MYO1D: variants seen among roughly 807,000 people sequenced by gnomAD.
MYO1D encodes the protein myosin ID, also known as unconventional myosin-Id.
MYO1D carries 83 observed loss-of-function variants against 122.0 expected under a neutral mutation model. The ratio of observed to expected loss-of-function variants is 0.68; its 90% CI spans 0.57 to 0.82. The LOEUF (loss-of-function observed/expected upper bound fraction) is 0.82, where lower values mean the gene tolerates loss of function less well. MYO1D is among the 40% of genes least tolerant of loss of function. MYO1D has a pLI of 0.00. For synonymous variants in MYO1D, 464 were observed against 446.9 expected, an observed-to-expected ratio of 1.04 and a Z score of -0.48; for missense variants, 1,157 against 1,269.5, an observed-to-expected ratio of 0.91 and a Z score of 1.35.
intron 21 of MYO1D, among the ~76,000 whole-genome samples, chr17:32,544,277 A>T (rs116647173): frequency 0.01 from 1,562 of 148,826 alleles, 8 homozygotes; most frequent in East Asian, 0.047. Context: ...AAAAAAAAAA[A>T]ATTTGTAGAG....
At chr17:32,509,563 A>C (rs1473530406) in intron 21 of MYO1D, among the ~76,000 whole-genome samples, 1 of 152,154 alleles carries the variant, frequency 6.6e-6, no homozygotes, top group East Asian at 1.9e-4. Context: ...TAGCTTCAGA[A>C]ATGTGGGCAG....
chr17:32,635,231 A>G (rs1471295174), intron 20 of MYO1D, among the ~76,000 whole-genome samples: 6 of 152,214 alleles, frequency 3.9e-5, no homozygotes, highest in Non-Finnish European at 8.8e-5. Context: ...GTGAGTAAGA[A>G]GATAGACAAA....
chr17:32,809,997 G>A (rs2090555460), intron 1 of MYO1D, among the ~76,000 whole-genome samples: 1 of 152,158 alleles, frequency 6.6e-6, no homozygotes, highest in African/African-American at 2.4e-5. Context: ...CTAAGTAAAG[G>A]GTGAAGGGAA....
At chr17:32,706,585 T>C (rs1355872540) in intron 16 of MYO1D, among the ~76,000 whole-genome samples, 2 of 152,190 alleles carry the variant, frequency 1.3e-5, no homozygotes, top group African/African-American at 2.4e-5. Flanking sequence ...AGATTAACAC[T>C]GAACAAAGGT....
chr17:32,592,536 A>G (rs991012216), intron 21 of MYO1D, among the ~76,000 whole-genome samples: 3 of 152,166 alleles, frequency 2.0e-5, no homozygotes, highest in African/African-American at 4.8e-5. Flanking sequence ...TGGTATTTAC[A>G]CCAACAATAA....
At chr17:32,825,593 C>T (rs1432491714) in intron 1 of MYO1D, among the ~76,000 whole-genome samples, 1 of 152,136 alleles carries the variant, frequency 6.6e-6, no homozygotes, top group Non-Finnish European at 1.5e-5. Flanking sequence ...GCACCCGGCC[C>T]AATTTTTCTT....
At chr17:32,653,636 A>G (rs954553745) in intron 19 of MYO1D, among the ~76,000 whole-genome samples, 2 of 149,080 alleles carry the variant, frequency 1.3e-5, no homozygotes, top group African/African-American at 2.5e-5. Flanking sequence ...AAAGGTTATC[A>G]CTTCCCTTAG....
In MYO1D at chr17:32,780,840, A is replaced by G. The variant is rs2090229870; in HGVS notation, c.96-56T>C. On this transcript the variant is annotated intron_variant, in intron 1 of 21. Transcript: ENST00000318217. The stretch of plus-strand genomic sequence containing the variant: ...AGCTGTGGTTACAGAGAAATGATGT[A>G]TCTGTCCTGTGAGTCTCTTATTTCC... 13 of 1,517,922 alleles carry G rather than the reference A, an allele frequency of 8.6e-6. 1 individual carries two copies. The highest frequency in any genetic ancestry group is 1.2e-5 in the Non-Finnish European group (13 of 1,098,268). 94.0% of individuals were successfully genotyped at this position (1,517,922 alleles called of 1,614,324 possible). A position where few individuals can be genotyped will look rare whatever the true frequency, so the allele number is the denominator to read the frequency against.
chr17:32,755,517 T>C lies in MYO1D; in HGVS notation c.1442A>G (p.Lys481Arg). ...FLEALNSKLG[K>R]HAHFSSRKLC... is the part of the protein sequence containing the mutation. ...CTTTCGGCTGGAAAAATGGGCGTGT[T>C]TGCCCAATTTACTGTTAAGTGCTTC... The change falls in exon 11 of 22, where the codon AAA (lysine) becomes AGA (arginine). Residue 481 changes from lysine (K) to arginine (R), a missense_variant. By Grantham distance (26) the Lys-to-Arg change is conservative (BLOSUM62 2). Coordinates refer to ENST00000318217, the MANE Select transcript of MYO1D (RefSeq NM_015194.3). The C allele has an allele frequency of 5.6e-6, 9 of 1,613,900 alleles. No homozygotes were observed. Among genetic ancestry groups the C allele is most frequent in the Non-Finnish European group, 7.6e-6 (9 of 1,179,824 alleles).
chr17:32,736,499 T>C (rs1479229792), intron 14 of MYO1D, among the ~76,000 whole-genome samples: 1 of 151,042 alleles, frequency 6.6e-6, no homozygotes, highest in African/African-American at 2.5e-5. Flanking sequence ...GGGTCTCTAA[T>C]AACTTTGGAG....
rs1460135856 is a variant in MYO1D at position 32,755,635 on chromosome 17, C to A, written c.1324G>T (p.Val442Phe). The A allele has an allele frequency of 2.5e-6, 4 of 1,613,562 alleles. No individual in the cohort carries two copies. The highest frequency in any genetic ancestry group is 3.4e-6 in the Non-Finnish European group (4 of 1,179,674). ...TTGTGCTGTTGCTCCACGAGGTCAACAATGATCTGATTGTTGAAGTAGTCA... is the reference window on the plus strand; with the variant it reads ...TTGTGCTGTTGCTCCACGAGGTCAAAAATGATCTGATTGTTGAAGTAGTCA... ...HIDYFNNQIIVDLVEQQHKGI... is the reference protein window; with the variant it reads ...HIDYFNNQIIFDLVEQQHKGI... Residue 442 changes from valine (V) to phenylalanine (F), a missense_variant, in exon 11 of 22, where the codon GTT becomes TTT. Physicochemically the swap from Val to Phe is conservative, Grantham distance 50 (BLOSUM62 -1). Coordinates refer to ENST00000318217, the MANE Select transcript of MYO1D (RefSeq NM_015194.3).
Position 32,765,074 on chromosome 17 carries a change from A to G in MYO1D, c.839T>C (p.Leu280Ser). 1 of 1,611,662 alleles carries G rather than the reference A, an allele frequency of 6.2e-7. No homozygotes were observed. The highest frequency in any genetic ancestry group is 1.1e-5 in the South Asian group (1 of 90,998). Reference sequence around the variant, plus strand: ...CGTGTCACCATCTACTACAAATTTTAAATTTCCCTGTATCAAAAGTGAAAA... The same window carrying G: ...CGTGTCACCATCTACTACAAATTTTGAATTTCCCTGTATCAAAAGTGAAAA... ...ILAAILHLGN[L>S]KFVVDGDTPL... Residue 280 changes from leucine to serine, a missense_variant, in exon 8 of 22, where the codon TTA (leucine) becomes TCA (serine). By Grantham distance (145) the Leu-to-Ser change is moderately radical (BLOSUM62 -2). Coordinates refer to ENST00000318217, the MANE Select transcript of MYO1D (RefSeq NM_015194.3).
At chr17:32,605,338 T>A in intron 20 of MYO1D, 97 bp from the exon 21 acceptor site, 1 of 1,137,982 alleles carries the variant, frequency 8.8e-7, no homozygotes, top group Non-Finnish European at 1.2e-6. Flanking sequence ...CATGTGCCTG[T>A]AGTCCCAGCT....
intron 1 of MYO1D, among the ~76,000 whole-genome samples, chr17:32,830,687 G>C (rs1479151322): frequency 6.6e-6 from 1 of 152,106 alleles, no homozygotes; most frequent in East Asian, 1.9e-4. Flanking sequence ...TATTAAGCAT[G>C]GTTATCACTA....
At chr17:32,556,064 C>A (rs979557506) in intron 21 of MYO1D, among the ~76,000 whole-genome samples, 3 of 152,152 alleles carry the variant, frequency 2.0e-5, no homozygotes, top group African/African-American at 7.2e-5. Context: ...GTGTTTGCCC[C>A]ACTGGAATGT....
At chr17:32,770,333 A>C (rs1341992270) in intron 6 of MYO1D, among the ~76,000 whole-genome samples, 1 of 152,102 alleles carries the variant, frequency 6.6e-6, no homozygotes, top group Non-Finnish European at 1.5e-5. Context: ...GAAAGCAGTA[A>C]GTTTTTGATG....
intron 16 of MYO1D, among the ~76,000 whole-genome samples, chr17:32,706,495 C>T (rs1362100127): frequency 6.6e-6 from 1 of 151,964 alleles, no homozygotes; most frequent in Non-Finnish European, 1.5e-5. Context: ...TGTACTATAA[C>T]AAAAACAGCA....
intron 21 of MYO1D, among the ~76,000 whole-genome samples, chr17:32,542,613 T>TAAAA (rs67238143): frequency 8.0e-6 from 1 of 124,874 alleles, no homozygotes; most frequent in East Asian, 2.6e-4. Flanking sequence ...GAGGTAACGC[T>TAAAA]AAAAAAAAAA....
At chr17:32,529,315 T>C (rs1333822989) in intron 21 of MYO1D, among the ~76,000 whole-genome samples, 1 of 144,862 alleles carries the variant, frequency 6.9e-6, no homozygotes, top group African/African-American at 2.6e-5. Flanking sequence ...GCAGAGGCTA[T>C]AGCAGGAAGC....
Sources: gnomAD v4.1 joint callset for allele counts (sites outside exome capture counted in the v4.1 genomes callset) on GRCh38, gnomAD v4.1.1 for gene constraint, MANE v1.5 for transcripts, NCBI Gene and HGNC (gene_info 2026-07-23, HGNC 2026-07-21) for gene names.